ALDOB: variants seen among roughly 807,000 people sequenced by gnomAD.
ALDOB encodes aldolase, fructose-bisphosphate B, also known as fructose-bisphosphate aldolase B.
ALDOB carries 39 observed loss-of-function variants against 41.0 expected under a neutral mutation model. The ratio of observed to expected loss-of-function variants is 0.95; its 90% CI spans 0.74 to 1.24. ALDOB has a LOEUF of 1.24. Ranked by LOEUF, ALDOB falls within the 50% of genes most tolerant of loss-of-function variation. The pLI is 0.00. For synonymous variants in ALDOB, 175 were observed against 168.8 expected, an observed-to-expected ratio of 1.04 and a Z score of -0.28; for missense variants, 530 against 457.3, an observed-to-expected ratio of 1.16 and a Z score of -1.45.
In ALDOB at chr9:101,426,632, G is replaced by T. The variant is rs1831133410; in HGVS notation, c.547C>A (p.Leu183Met). ...RYASICQQNG[L>M]VPIVEPEVIP... The stretch of plus-strand genomic sequence containing the variant: ...ACCTCTGGTTCAACAATAGGTACCA[G>T]TCCATTCTAAAAAGGAAAATCAAGG... Residue 183 changes from leucine (L) to methionine (M), a missense_variant, in exon 6 of 9, where the codon CTG (leucine) becomes ATG (methionine). Transcript: ENST00000647789. 2 of 1,606,250 alleles carry T rather than the reference G, an allele frequency of 1.2e-6. No homozygotes were observed. Among genetic ancestry groups the T allele is most frequent in the African/African-American group, 2.7e-5 (2 of 74,794 alleles).
chr9:101,434,669 T>C (rs1290939296), intron 1 of ALDOB, among the ~76,000 whole-genome samples: 1 of 152,202 alleles, frequency 6.6e-6, no homozygotes, highest in African/African-American at 2.4e-5. Flanking sequence ...AGGGCAGTCC[T>C]AGGACAGCCT....
intron 8 of ALDOB, among the ~76,000 whole-genome samples, chr9:101,423,055 A>G (rs1444391808): frequency 6.6e-6 from 1 of 152,174 alleles, no homozygotes; most frequent in African/African-American, 2.4e-5. Flanking sequence ...TCCATCATGT[A>G]AGCTAGGTCT....
Position 101,421,897 on chromosome 9 carries a change from CAGTTAG to C in ALDOB, c.1001_1006del (p.Ala334_Cys336delinsGly). On this transcript the variant is annotated inframe_deletion and splice_region_variant, in exon 9 of 9. Transcript: ENST00000647789. ...AACATACTGTCCTTTGGCCGCCTGG[CAGTTAG>C]CCTAGAAGACAAATATGAGAGAGGA... 16 of 1,613,790 alleles carry C rather than the reference CAGTTAG, an allele frequency of 9.9e-6. No individual in the cohort carries two copies. The highest frequency in any genetic ancestry group is 1.4e-5 in the Non-Finnish European group (16 of 1,179,922).
chr9:101,432,687 C>T (rs1394263410), intron 1 of ALDOB, among the ~76,000 whole-genome samples: 2 of 152,060 alleles, frequency 1.3e-5, no homozygotes, highest in East Asian at 1.9e-4. Context: ...GGGCTCTTTT[C>T]CCCTCCCATT....
intron 6 of ALDOB, 141 bp from the exon 7 acceptor site, chr9:101,425,768 G>T: frequency 1.1e-6 from 1 of 878,382 alleles, no homozygotes; most frequent in Admixed American, 2.0e-5. Context: ...CAATCTCCAG[G>T]CCTCATTAGA....
chr9:101,425,931 A>G (rs757702287), intron 6 of ALDOB, among the ~76,000 whole-genome samples: 3 of 152,116 alleles, frequency 2.0e-5, no homozygotes, highest in East Asian at 1.9e-4. Flanking sequence ...CCCTTGGTCA[A>G]TGTCATTCCT....
chr9:101,426,470 A>T, intron 6 of ALDOB, 85 bp downstream of exon 6: 1 of 865,006 alleles, frequency 1.2e-6, no homozygotes. Flanking sequence ...CTTCAGATAT[A>T]ACAGCTGTTA....
At chr9:101,426,999 A>G (rs1475691278) in intron 5 of ALDOB, among the ~76,000 whole-genome samples, 1 of 152,196 alleles carries the variant, frequency 6.6e-6, no homozygotes, top group Non-Finnish European at 1.5e-5. Context: ...AGTAACCCCA[A>G]CATAGTACTC....
Position 101,427,553 on chromosome 9 carries a change from G to T in ALDOB, c.469C>A (p.Gln157Lys), listed in dbSNP as rs1831149748. 6.2e-7 allele frequency: 1 copy of T among 1,614,060 alleles called. No individual in the cohort carries two copies. The highest frequency in any genetic ancestry group is 8.5e-7 in the Non-Finnish European group (1 of 1,180,048). Residue 157 changes from glutamine to lysine, a missense_variant, in exon 5 of 9, where the codon CAG becomes AAG. Transcript: ENST00000647789. ...KWRAVLRIADQCPSSLAIQEN... is the reference protein window; with the variant it reads ...KWRAVLRIADKCPSSLAIQEN... ...TGGATAGCGAGGCTGGATGGACACTGGTCGGCAATCCTCAGCACAGCACGC... is the reference window on the plus strand; with the variant it reads ...TGGATAGCGAGGCTGGATGGACACTTGTCGGCAATCCTCAGCACAGCACGC...
intron 1 of ALDOB, among the ~76,000 whole-genome samples, chr9:101,431,898 C>T (rs1831225646): frequency 6.6e-6 from 1 of 152,166 alleles, no homozygotes; most frequent in South Asian, 2.1e-4. Flanking sequence ...TCCATGTCTA[C>T]ATATTACTTC....
At chr9:101,430,083 A>C (rs1831195820) in intron 2 of ALDOB, 117 bp from the exon 3 acceptor site, 1 of 967,792 alleles carries the variant, frequency 1.0e-6, no homozygotes, top group Non-Finnish European at 1.6e-6. Flanking sequence ...CTTTTTTCAG[A>C]TAGTCAAAGC....
intron 8 of ALDOB, among the ~76,000 whole-genome samples, 159 bp from the exon 9 acceptor site, chr9:101,422,063 A>G (rs1407565425): frequency 1.3e-5 from 2 of 152,126 alleles, no homozygotes; most frequent in East Asian, 3.9e-4. Context: ...CCCCTTCTAT[A>G]AAGTATCTCC....
chr9:101,425,676 G>C, intron 6 of ALDOB, 49 bp from the exon 7 acceptor site: 2 of 1,598,700 alleles, frequency 1.3e-6, no homozygotes, highest in Non-Finnish European at 1.7e-6. Context: ...TAGTCATAGA[G>C]CCACTTGACC....
chr9:101,424,189 G>T (rs1352843966), intron 8 of ALDOB, among the ~76,000 whole-genome samples: 4 of 152,116 alleles, frequency 2.6e-5, no homozygotes, highest in Non-Finnish European at 5.9e-5. Flanking sequence ...AGGTTGAGGT[G>T]GGCAGATCAC....
rs1564076335 is a variant in ALDOB at position 101,421,448 on chromosome 9, G to GT, written c.*360dup. On this transcript the variant is annotated 3_prime_UTR_variant, in exon 9 of 9. Transcript: ENST00000647789. ...TTCCCAACCTACCACTGCTAAGACT[G>GT]TTTCATAAGATGCACTTCTCTACAC... 2.8e-6 allele frequency: 1 copy of GT among 359,414 alleles called. No homozygotes were observed. Among genetic ancestry groups the GT allele is most frequent in the East Asian group, 7.0e-5 (1 of 14,328 alleles). 22.3% of individuals were successfully genotyped at this position (359,414 alleles called of 1,614,324 possible).
chr9:101,429,694 C>A (rs1322491843), intron 3 of ALDOB, 61 bp downstream of exon 3: 1 of 1,474,380 alleles, frequency 6.8e-7, no homozygotes, highest in East Asian at 2.3e-5. Flanking sequence ...CCTGTCCTTG[C>A]CAGTGTGCTT....
At chr9:101,434,600 C>T (rs999809782) in intron 1 of ALDOB, among the ~76,000 whole-genome samples, 45 of 152,204 alleles carry the variant, frequency 3.0e-4, no homozygotes, top group African/African-American at 1.1e-3. Flanking sequence ...ATGCTTAAAG[C>T]TGCCAATAGC....
chr9:101,428,232 T>C (rs936873318), intron 4 of ALDOB, among the ~76,000 whole-genome samples: 2 of 152,198 alleles, frequency 1.3e-5, no homozygotes, highest in African/African-American at 4.8e-5. Flanking sequence ...TCTAAGTTAA[T>C]CCCCACAACA....
At position 101,421,459 on chromosome 9, in the gene ALDOB, T is replaced by C. The variant is rs764461347; in HGVS notation, c.*350A>G. The C allele has an allele frequency of 6.8e-5, 25 of 367,618 alleles. No homozygotes were observed. The highest frequency in any genetic ancestry group is 1.1e-4 in the Admixed American group (3 of 26,632). 22.8% of individuals were successfully genotyped at this position (367,618 alleles called of 1,614,324 possible). A position where few individuals can be genotyped will look rare whatever the true frequency, so the allele number is the denominator to read the frequency against. On this transcript the variant is annotated 3_prime_UTR_variant, in exon 9 of 9. Transcript: ENST00000647789. ...CCACTGCTAAGACTGTTTCATAAGA[T>C]GCACTTCTCTACACTCAGCTAATGA...
Sources: gnomAD v4.1 joint callset for allele counts (sites outside exome capture counted in the v4.1 genomes callset) on GRCh38, gnomAD v4.1.1 for gene constraint, MANE v1.5 for transcripts, NCBI Gene and HGNC (gene_info 2026-07-23, HGNC 2026-07-21) for gene names.